The following ELL2 variants were observed in gnomAD, a reference collection of about 807,000 sequenced individuals.
ELL2 encodes the protein RNA polymerase II elongation factor ELL2.
Under a neutral mutation model 72.8 loss-of-function variants are expected in ELL2, and 21 were observed. The observed-to-expected ratio is 0.29, with a 90% CI of 0.20 to 0.42. The LOEUF (loss-of-function observed/expected upper bound fraction) is 0.42, where lower values mean the gene tolerates loss of function less well. Among genes scored for constraint, ELL2 ranks in the 10% least tolerant of loss-of-function variants. The pLI is 1.00. For missense variants in ELL2, 568 were observed against 772.8 expected, an observed-to-expected ratio of 0.73 and a Z score of 3.14; for synonymous variants, 266 against 283.2, an observed-to-expected ratio of 0.94 and a Z score of 0.61.
chr5:95,917,518 A>G (rs1749859783), intron 3 of ELL2, among the ~76,000 whole-genome samples: 2 of 152,224 alleles, frequency 1.3e-5, no homozygotes, highest in Non-Finnish European at 2.9e-5. Flanking sequence ...AATTGAATGG[A>G]AAAGGTGAAG....
intron 3 of ELL2, among the ~76,000 whole-genome samples, chr5:95,916,502 T>C (rs1188100547): frequency 1.3e-5 from 2 of 152,084 alleles, no homozygotes; most frequent in African/African-American, 4.8e-5. Flanking sequence ...GAACAGACGC[T>C]TCAAGCAGGA....
At position 95,891,287 on chromosome 5, in the gene ELL2, A is replaced by C. The variant is rs369815614; in HGVS notation, c.1590-13T>G. The C allele has an allele frequency of 1.2e-4, 190 of 1,595,190 alleles. No homozygotes were observed. Among genetic ancestry groups the C allele is most frequent in the Admixed American group, 4.6e-4 (26 of 56,264 alleles). On this transcript the variant is annotated splice_polypyrimidine_tract_variant and intron_variant, in intron 9 of 11. Coordinates refer to ENST00000237853, the MANE Select transcript of ELL2 (RefSeq NM_012081.6). ...AGCGATATATTTTCTAATAAGAAAAAAGATAAATGGAGAGTAGCTACCCAA... is the reference window on the plus strand; with the variant it reads ...AGCGATATATTTTCTAATAAGAAAACAGATAAATGGAGAGTAGCTACCCAA...
At chr5:95,899,005 A>G (rs1749015577) in intron 7 of ELL2, among the ~76,000 whole-genome samples, 195 bp from the exon 8 acceptor site, 1 of 152,224 alleles carries the variant, frequency 6.6e-6, no homozygotes, top group South Asian at 2.1e-4. Flanking sequence ...AAACCAGAAC[A>G]ACAACAACAC....
chr5:95,961,823 A>T lies in ELL2; in HGVS notation c.-102T>A. The T allele has an allele frequency of 7.1e-7, 1 of 1,407,058 alleles. No individual in the cohort carries two copies. Among genetic ancestry groups the T allele is most frequent in the South Asian group, 1.5e-5 (1 of 68,486 alleles). 87.2% of individuals were successfully genotyped at this position (1,407,058 alleles called of 1,614,324 possible). A position where few individuals can be genotyped will look rare whatever the true frequency, so the allele number is the denominator to read the frequency against. On this transcript the variant is annotated 5_prime_UTR_variant, in exon 1 of 12. It removes an upstream start codon present in the reference 5' UTR. Transcript: ENST00000237853. Reference sequence around the variant, plus strand: ...TGCAGCCGCCGCCACTGCTAGGGCCATCCCGCTGCTGACGTACTGTCATAT... The same window carrying T: ...TGCAGCCGCCGCCACTGCTAGGGCCTTCCCGCTGCTGACGTACTGTCATAT...
At chr5:95,939,146 T>G (rs957274454) in intron 2 of ELL2, among the ~76,000 whole-genome samples, 1 of 152,240 alleles carries the variant, frequency 6.6e-6, no homozygotes, top group African/African-American at 2.4e-5. Flanking sequence ...TGCCAAGATG[T>G]GACATTTTGT....
intron 2 of ELL2, among the ~76,000 whole-genome samples, chr5:95,933,975 A>C (rs1431555594): frequency 6.6e-6 from 1 of 152,216 alleles, no homozygotes; most frequent in African/African-American, 2.4e-5. Context: ...AGCCAAATAC[A>C]GAGCTTTCAA....
intron 2 of ELL2, among the ~76,000 whole-genome samples, chr5:95,938,089 C>T (rs991188719): frequency 6.6e-6 from 1 of 152,088 alleles, no homozygotes; most frequent in African/African-American, 2.4e-5. Flanking sequence ...CCACACCCCC[C>T]ACAAAGTAAA....
rs566498195 is a variant in ELL2, at chr5:95,929,347, C to T, written c.196-9802G>A. Among the ~76,000 whole-genome samples, 6 of 151,462 alleles carry T rather than the reference C, an allele frequency of 4.0e-5. No homozygotes were observed. The East Asian group carries it at 5.8e-4, about 15-fold the overall frequency. On this transcript the variant is annotated intron_variant, in intron 2 of 11. Transcript: ENST00000237853. ...GATCTTGGCTCACTGCAACCTCTGC[C>T]GCCTGGGTTCAAGCGATTCTCCTGC...
Position 95,898,828 on chromosome 5 carries a change from A to G in ELL2, c.955-18T>C. 6.8e-7 allele frequency: 1 copy of G among 1,479,880 alleles called. No individual in the cohort carries two copies. The highest frequency in any genetic ancestry group is 9.0e-7 in the Non-Finnish European group (1 of 1,115,478). The allele number at this position is 1,479,880 out of a possible 1,614,324, so 91.7% of individuals were successfully genotyped here. A position where few individuals can be genotyped will look rare whatever the true frequency, so the allele number is the denominator to read the frequency against. Reference sequence around the variant, plus strand: ...AGCCGTTTCTAGGGGAGGGAAAAGGAGAAAAGTGAGCCAGTTTGCACTAAA... The same window carrying G: ...AGCCGTTTCTAGGGGAGGGAAAAGGGGAAAAGTGAGCCAGTTTGCACTAAA... On this transcript the variant is annotated intron_variant, in intron 7 of 11. Transcript: ENST00000237853.
At chr5:95,938,078 T>G (rs73771809) in intron 2 of ELL2, among the ~76,000 whole-genome samples, 3,674 of 152,204 alleles carry the variant, frequency 0.024, 144 homozygotes, top group African/African-American at 0.083. Flanking sequence ...CCCAATCTTC[T>G]CCACACCCCC....
intron 2 of ELL2, among the ~76,000 whole-genome samples, chr5:95,940,470 A>G (rs1167630652): frequency 6.6e-6 from 1 of 152,224 alleles, no homozygotes; most frequent in South Asian, 2.1e-4. Context: ...ATTAGTAACA[A>G]GGAAGAGTAT....
chr5:95,890,670 CTT>C (rs1054855037), intron 10 of ELL2, among the ~76,000 whole-genome samples: 15 of 152,182 alleles, frequency 9.9e-5, no homozygotes, highest in Admixed American at 9.2e-4. Context: ...ATTAAGCCCT[CTT>C]TATTTCCTAT....
chr5:95,910,480 C>T (rs1469836962), intron 4 of ELL2, among the ~76,000 whole-genome samples: 1 of 151,776 alleles, frequency 6.6e-6, no homozygotes, highest in Admixed American at 6.6e-5. Flanking sequence ...GTGTTTACCA[C>T]TGATATAAAT....
At position 95,886,253 on chromosome 5, in the gene ELL2, A is replaced by G. The variant is rs890465114; in HGVS notation, c.*2618T>C. 6.6e-6 allele frequency: 1 copy of G among 152,250 alleles called. No individual in the cohort carries two copies. The highest frequency in any genetic ancestry group is 1.9e-4 in the East Asian group (1 of 5,202). 9.4% of individuals were successfully genotyped at this position (152,250 alleles called of 1,614,324 possible). A position where few individuals can be genotyped will look rare whatever the true frequency, so the allele number is the denominator to read the frequency against. On this transcript the variant is annotated 3_prime_UTR_variant, in exon 12 of 12. Coordinates refer to ENST00000237853, the MANE Select transcript of ELL2 (RefSeq NM_012081.6). ...ACGAAAAATGATTATAAATATTTTAATAGGCTCATGCCTCATCTTCAAAAG... is the reference window on the plus strand; with the variant it reads ...ACGAAAAATGATTATAAATATTTTAGTAGGCTCATGCCTCATCTTCAAAAG...
At chr5:95,912,693 G>A (rs1019776882) in intron 4 of ELL2, among the ~76,000 whole-genome samples, 2 of 152,304 alleles carry the variant, frequency 1.3e-5, no homozygotes, top group Admixed American at 6.5e-5. Context: ...TATCTGGGGA[G>A]GGGATGAATT....
At position 95,898,722 on chromosome 5, in the gene ELL2, A is replaced by G; in HGVS notation, c.1043T>C (p.Leu348Pro). 1 of 1,611,434 alleles carries G rather than the reference A, an allele frequency of 6.2e-7. No individual in the cohort carries two copies. ...ACTGGTGGGATTCAAATGACCATTTAGTGTTGGTGGTACTCTGTTCGTCAG... is the reference window on the plus strand; with the variant it reads ...ACTGGTGGGATTCAAATGACCATTTGGTGTTGGTGGTACTCTGTTCGTCAG... Reference protein sequence around the residue: ...SHLTNRVPPTLNGHLNPTSEK... With the variant: ...SHLTNRVPPTPNGHLNPTSEK... The change falls in exon 8 of 12, where the codon CTA becomes CCA. Residue 348 changes from leucine to proline, a missense_variant. By Grantham distance (98) the Leu-to-Pro change is moderately conservative (BLOSUM62 -3). This residue lies in a region of ELL2 where 511 missense variants were observed against 728.4 expected (regional missense o/e 0.70). Coordinates refer to ENST00000237853, the MANE Select transcript of ELL2 (RefSeq NM_012081.6).
Position 95,899,968 on chromosome 5 carries a change from T to C in ELL2, c.954+725A>G, listed in dbSNP as rs145767652. The stretch of plus-strand genomic sequence containing the variant: ...AGTGTTCTCCACACATCTGTGGGCT[T>C]CTCACTAATTCTTGGGAGTAAGGTC... On this transcript the variant is annotated intron_variant, in intron 7 of 11. Coordinates refer to ENST00000237853, the MANE Select transcript of ELL2 (RefSeq NM_012081.6). Among the ~76,000 whole-genome samples, 445 of 152,300 alleles carry C rather than the reference T, an allele frequency of 2.9e-3. 12 individuals carry two copies. Among genetic ancestry groups the C allele is most frequent in the Admixed American group, 0.025 (387 of 15,298 alleles).
At chr5:95,902,837 A>G (rs1749192829) in intron 5 of ELL2, among the ~76,000 whole-genome samples, 1 of 152,188 alleles carries the variant, frequency 6.6e-6, no homozygotes, top group Non-Finnish European at 1.5e-5. Flanking sequence ...GCTGGAGTCC[A>G]GTGGCAGGAA....
chr5:95,889,061 G>T (rs755904077), intron 11 of ELL2, 25 bp downstream of exon 11: 1 of 1,599,182 alleles, frequency 6.3e-7, no homozygotes, highest in African/African-American at 1.4e-5. Context: ...CCACAGGTCA[G>T]AAAATCAACA....
Sources: allele counts gnomAD v4.1 joint callset (sites outside exome capture counted in the v4.1 genomes callset), GRCh38; gene constraint gnomAD v4.1.1; regional missense constraint gnomAD v4.1.1; transcripts MANE v1.5; gene names NCBI Gene and HGNC (gene_info 2026-07-23, HGNC 2026-07-21).